Variants in LPCAT2 observed in about 807,000 individuals in gnomAD.
LPCAT2 encodes the protein 1-AGP acyltransferase 11.
In LPCAT2, 58 loss-of-function variants were observed where a neutral mutation model predicts 64.7. That is an observed-to-expected ratio of 0.90 (90% CI 0.73 to 1.12). The LOEUF is 1.12. LPCAT2 is among the 50% of genes most tolerant of loss of function. The pLI is 0.00. For synonymous variants in LPCAT2, 252 were observed against 245.3 expected, an observed-to-expected ratio of 1.03 and a Z score of -0.26; for missense variants, 579 against 669.8, an observed-to-expected ratio of 0.86 and a Z score of 1.50.
At chr16:55,578,893 C>T (rs1963858397) in intron 12 of LPCAT2, 1 of 495,582 alleles carries the variant, frequency 2.0e-6, no homozygotes, top group South Asian at 2.6e-5. Context: ...TCCCTTTGTA[C>T]TATGGACCAT....
Position 55,509,099 on chromosome 16 carries a change from G to A in LPCAT2, c.-83G>A. ...AGGCTCCCCAGCGTCGCCCTAGGCT[G>A]GGACTCTAGTAGGTCTTCGGCTCAG... On this transcript the variant is annotated 5_prime_UTR_variant, in exon 1 of 14. Coordinates refer to ENST00000262134, the MANE Select transcript of LPCAT2 (RefSeq NM_017839.5). The A allele has an allele frequency of 8.5e-7, 1 of 1,181,718 alleles. No individual in the cohort carries two copies. The highest frequency in any genetic ancestry group is 4.2e-5 in the Admixed American group (1 of 23,964). The allele number at this position is 1,181,718 out of a possible 1,614,324, so 73.2% of individuals were successfully genotyped here.
chr16:55,551,267 T>C, intron 11 of LPCAT2, 165 bp downstream of exon 11: 1 of 415,184 alleles, frequency 2.4e-6, no homozygotes, highest in Non-Finnish European at 4.2e-6. Context: ...AATAGTAATA[T>C]TAATAATTGT....
At chr16:55,577,194 G>C (rs1434855192) in intron 12 of LPCAT2, among the ~76,000 whole-genome samples, 4 of 152,288 alleles carry the variant, frequency 2.6e-5, no homozygotes, top group South Asian at 2.1e-4. Flanking sequence ...AAATGGACTT[G>C]AAGCCAGAGC....
At chr16:55,526,464 C>T (rs1403602652) in intron 2 of LPCAT2, among the ~76,000 whole-genome samples, 1 of 152,102 alleles carries the variant, frequency 6.6e-6, no homozygotes, top group Non-Finnish European at 1.5e-5. Context: ...ATTTAAATCT[C>T]AAATGTGAGT....
At chr16:55,574,804 A>G (rs1373238368) in intron 12 of LPCAT2, 75 bp downstream of exon 12, 36 of 1,046,678 alleles carry the variant, frequency 3.4e-5, no homozygotes, top group Non-Finnish European at 6.0e-6. Flanking sequence ...TTATTTGAAA[A>G]TCAGTGAATC....
intron 1 of LPCAT2, among the ~76,000 whole-genome samples, chr16:55,525,222 T>C (rs1361266000): frequency 6.6e-6 from 1 of 152,126 alleles, no homozygotes; most frequent in Non-Finnish European, 1.5e-5. Context: ...CATATACACC[T>C]TTTCTTTGTT....
At chr16:55,567,361 G>A (rs1325138869) in intron 11 of LPCAT2, 2 of 1,613,728 alleles carry the variant, frequency 1.2e-6, no homozygotes, top group Admixed American at 3.3e-5. Flanking sequence ...AATGAAGATG[G>A]AGATATGGAT....
chr16:55,552,792 T>C (rs1366969020), intron 11 of LPCAT2, among the ~76,000 whole-genome samples: 1 of 152,222 alleles, frequency 6.6e-6, no homozygotes, highest in East Asian at 1.9e-4. Context: ...CAAGTTGTAA[T>C]CTTCTTGCTG....
intron 2 of LPCAT2, among the ~76,000 whole-genome samples, chr16:55,527,565 A>G (rs535102727): frequency 1.1e-3 from 165 of 151,214 alleles, no homozygotes; most frequent in African/African-American, 3.9e-3. Context: ...ATGCTTATTC[A>G]CATACTGAGA....
chr16:55,509,356 A>G lies in LPCAT2; in HGVS notation c.171+4A>G. ...CGGCTCCGCGAGGCGGGTCCAGGTG[A>G]GGGGCGTGGGTCTGAGGGGAGAGGT... On this transcript the variant is annotated splice_donor_region_variant and intron_variant, in intron 1 of 13. Coordinates refer to ENST00000262134, the MANE Select transcript of LPCAT2 (RefSeq NM_017839.5). 3 of 1,270,440 alleles carry G rather than the reference A, an allele frequency of 2.4e-6. No homozygotes were observed. The highest frequency in any genetic ancestry group is 2.0e-5 in the South Asian group (1 of 49,268). 78.7% of individuals were successfully genotyped at this position (1,270,440 alleles called of 1,614,324 possible).
intron 13 of LPCAT2, among the ~76,000 whole-genome samples, chr16:55,579,985 A>G (rs1404964000): frequency 1.3e-5 from 2 of 152,190 alleles, no homozygotes; most frequent in Admixed American, 6.5e-5. Flanking sequence ...GTTGTTGAGA[A>G]ACACACCTCA....
rs772358705 is a variant in LPCAT2 at position 55,550,973 on chromosome 16, G to C, written c.1086G>C (p.Lys362Asn). The C allele has an allele frequency of 6.2e-7, 1 of 1,605,166 alleles. No homozygotes were observed. The highest frequency in any genetic ancestry group is 1.1e-5 in the South Asian group (1 of 89,936). The change falls in exon 11 of 14, where the codon AAG becomes AAC. Residue 362 changes from lysine to asparagine, a missense_variant. Transcript: ENST00000262134. ...KLKLDWDGVR[K>N]HLDEYASIAS... is the part of the protein sequence containing the mutation. Reference sequence around the variant, plus strand: ...GATTAGATTGGGATGGTGTTCGTAAGCATTTGGATGAATATGCATCTATTG... The same window carrying C: ...GATTAGATTGGGATGGTGTTCGTAACCATTTGGATGAATATGCATCTATTG...
At chr16:55,511,065 A>G (rs1596841351) in intron 1 of LPCAT2, among the ~76,000 whole-genome samples, 1 of 152,180 alleles carries the variant, frequency 6.6e-6, no homozygotes, top group African/African-American at 2.4e-5. Context: ...GACTTTGGCC[A>G]AGTCACTTAA....
At chr16:55,532,188 A>C (rs1369189203) in intron 5 of LPCAT2, 3 of 476,810 alleles carry the variant, frequency 6.3e-6, no homozygotes, top group African/African-American at 5.8e-5. Flanking sequence ...CACTCCATGC[A>C]TGTGCACTTA....
chr16:55,561,944 A>C (rs1279650553), intron 11 of LPCAT2, among the ~76,000 whole-genome samples: 1 of 152,040 alleles, frequency 6.6e-6, no homozygotes. Flanking sequence ...TGTCCTAGAC[A>C]GAGCGATGTC....
chr16:55,560,815 T>C (rs1596879088), intron 11 of LPCAT2, among the ~76,000 whole-genome samples: 1 of 152,174 alleles, frequency 6.6e-6, no homozygotes, highest in Middle Eastern at 3.4e-3. Flanking sequence ...AAAATAATTC[T>C]CTTGAGGCAT....
intron 11 of LPCAT2, chr16:55,567,752 G>T (rs932661940): frequency 2.4e-6 from 1 of 414,910 alleles, no homozygotes; most frequent in African/African-American, 2.0e-5. Flanking sequence ...CATATATATG[G>T]TGGGGAGGTT....
At chr16:55,515,135 A>G (rs1293497478) in intron 1 of LPCAT2, among the ~76,000 whole-genome samples, 4 of 152,206 alleles carry the variant, frequency 2.6e-5, no homozygotes, top group African/African-American at 9.6e-5. Flanking sequence ...ATGCAGAAAG[A>G]ATATTAGAAG....
At chr16:55,574,582 G>A (rs1318999739) in intron 11 of LPCAT2, 49 bp from the exon 12 acceptor site, 1 of 1,220,282 alleles carries the variant, frequency 8.2e-7, no homozygotes, top group Non-Finnish European at 1.2e-6. Context: ...AGGATTAATA[G>A]TAATTCCACT....
Sources: allele counts gnomAD v4.1 joint callset (sites outside exome capture counted in the v4.1 genomes callset), GRCh38; gene constraint gnomAD v4.1.1; transcripts MANE v1.5; gene names NCBI Gene and HGNC (gene_info 2026-07-23, HGNC 2026-07-21).